Variants in LRRIQ3 observed in about 807,000 individuals in gnomAD.
The protein encoded by LRRIQ3 is leucine rich repeats and IQ motif containing 3.
In LRRIQ3, 75 loss-of-function variants were observed where a neutral mutation model predicts 59.3. The ratio of observed to expected loss-of-function variants is 1.26; its 90% confidence interval spans 1.05 to 1.53. LRRIQ3 has a LOEUF of 1.53. Among genes scored for constraint, LRRIQ3 ranks in the 40% most tolerant of loss-of-function variants. LRRIQ3 has a pLI of 0.00. For synonymous variants in LRRIQ3, 250 were observed against 231.3 expected (o/e 1.08, Z -0.73); for missense variants, 831 against 710.0 (o/e 1.17, Z -1.94).
intron 4 of LRRIQ3, among the ~76,000 whole-genome samples, chr1:74,113,524 G>A (rs182940768): frequency 2.3e-4 from 35 of 152,042 alleles, no homozygotes; most frequent in Admixed American, 7.2e-4. Context: ...TTGAGCTCAC[G>A]AAAAATGATG....
chr1:74,063,009 A>G (rs1015778160), intron 6 of LRRIQ3, among the ~76,000 whole-genome samples: 4 of 152,030 alleles, frequency 2.6e-5, no homozygotes, highest in African/African-American at 9.7e-5. Context: ...GAAAGTAAAA[A>G]CAATTAAATA....
intron 4 of LRRIQ3, among the ~76,000 whole-genome samples, chr1:74,124,778 G>T (rs1206474687): frequency 6.6e-6 from 1 of 151,946 alleles, no homozygotes; most frequent in Non-Finnish European, 1.5e-5. Context: ...AGTATAATTT[G>T]AAGTCAGGTA....
rs371039675 is a variant in LRRIQ3 at position 74,027,876 on chromosome 1, C to T, written c.1719-907G>A. Among the ~76,000 whole-genome samples, 4 of 151,748 alleles carry T rather than the reference C, an allele frequency of 2.6e-5. No individual in the cohort carries two copies. The East Asian group carries it at 5.8e-4, about 22-fold the overall frequency. On this transcript the variant is annotated intron_variant, in intron 7 of 7. Coordinates refer to ENST00000354431, the MANE Select transcript of LRRIQ3 (RefSeq NM_001105659.2). ...ATACAAATGAGATATTATGGTTCAT[C>T]GTGAAAACATTATGTAACAAGTCAG...
chr1:74,035,935 T>C (rs114362065), intron 7 of LRRIQ3, among the ~76,000 whole-genome samples: 170 of 152,276 alleles, frequency 1.1e-3, no homozygotes, highest in African/African-American at 4.0e-3. Context: ...GCTTTTCCAA[T>C]GTGAATCAAC....
chr1:74,041,066 G>A, intron 7 of LRRIQ3, 147 bp downstream of exon 7: 3 of 664,488 alleles, frequency 4.5e-6, no homozygotes, highest in Non-Finnish European at 4.9e-6. Context: ...TAATATATTA[G>A]TATATTATTT....
chr1:74,190,260 A>C (rs1650672856), intron 1 of LRRIQ3, among the ~76,000 whole-genome samples: 1 of 152,288 alleles, frequency 6.6e-6, no homozygotes, highest in South Asian at 2.1e-4. Flanking sequence ...GCTCTAATAG[A>C]AAAAGTAGGC....
At chr1:74,196,345 A>T (rs1251628938) in intron 1 of LRRIQ3, among the ~76,000 whole-genome samples, 1 of 152,122 alleles carries the variant, frequency 6.6e-6, no homozygotes, top group Non-Finnish European at 1.5e-5. Flanking sequence ...GAATATACAG[A>T]CCCCAAACAT....
At position 74,165,191 on chromosome 1, in the gene LRRIQ3, C is replaced by A. The variant is rs199811679; in HGVS notation, c.574-9325G>T. Among the ~76,000 whole-genome samples, 32 of 151,628 alleles carry A rather than the reference C, an allele frequency of 2.1e-4. No individual in the cohort carries two copies. The East Asian group carries it at 5.8e-3, about 27-fold the overall frequency. ...TTCAGTATAATCTTGACTACATCTA[C>A]AATCTTATGGAATTTTGATAAGAAT... On this transcript the variant is annotated intron_variant, in intron 3 of 7. Coordinates refer to ENST00000354431, the MANE Select transcript of LRRIQ3 (RefSeq NM_001105659.2).
intron 2 of LRRIQ3, chr1:74,183,216 A>C (rs1650116031): frequency 2.8e-6 from 1 of 359,106 alleles, no homozygotes; most frequent in Non-Finnish European, 4.9e-6. Context: ...AGATTTAAGA[A>C]GTGAAACATA....
At chr1:74,120,009 T>A (rs1646829793) in intron 4 of LRRIQ3, among the ~76,000 whole-genome samples, 1 of 152,126 alleles carries the variant, frequency 6.6e-6, no homozygotes. Flanking sequence ...GATGGTTATT[T>A]GTATTATACT....
rs1649935273 is a variant in LRRIQ3, at chr1:74,180,854, C to T, written c.573+1684G>A. 6 of 1,493,918 alleles carry T rather than the reference C, an allele frequency of 4.0e-6. No individual in the cohort carries two copies. In the East Asian group the frequency reaches 1.5e-4, roughly 37 times the overall value. 92.5% of individuals were successfully genotyped at this position (1,493,918 alleles called of 1,614,324 possible). A position where few individuals can be genotyped will look rare whatever the true frequency, so the allele number is the denominator to read the frequency against. On this transcript the variant is annotated intron_variant, in intron 3 of 7. Coordinates refer to ENST00000354431, the MANE Select transcript of LRRIQ3 (RefSeq NM_001105659.2). ...TCTTCAAAAAGGCCTTCCCCATCCA[C>T]CCTAGCTAATGTAGCCCAAATCTCT... is the stretch of plus-strand genomic sequence containing the variant.
intron 7 of LRRIQ3, among the ~76,000 whole-genome samples, chr1:74,040,133 G>T (rs982105504): frequency 6.6e-6 from 1 of 152,076 alleles, no homozygotes; most frequent in Non-Finnish European, 1.5e-5. Flanking sequence ...ACAAGCAAGG[G>T]TTGCAATCCT....
intron 6 of LRRIQ3, among the ~76,000 whole-genome samples, chr1:74,060,215 CTTCTTG>C (rs796622874): frequency 0.22 from 5,384 of 24,280 alleles, 217 homozygotes; most frequent in Middle Eastern, 0.43. Context: ...TCTTCTTCTT[CTTCTTG>C]TTCTTCTTCT....
At chr1:74,098,934 T>C (rs1646489565) in intron 5 of LRRIQ3, among the ~76,000 whole-genome samples, 2 of 152,074 alleles carry the variant, frequency 1.3e-5, no homozygotes, top group African/African-American at 2.4e-5. Flanking sequence ...TAGCACCAAA[T>C]GCCCACAAGA....
intron 4 of LRRIQ3, among the ~76,000 whole-genome samples, chr1:74,113,276 A>G (rs1044601567): frequency 5.9e-5 from 9 of 152,082 alleles, no homozygotes; most frequent in African/African-American, 2.2e-4. Flanking sequence ...ACCCACAAAA[A>G]GTTGAGGGAT....
At chr1:74,040,606 G>A (rs1217721668) in intron 7 of LRRIQ3, among the ~76,000 whole-genome samples, 2 of 152,130 alleles carry the variant, frequency 1.3e-5, no homozygotes, top group African/African-American at 4.8e-5. Flanking sequence ...ACACCACAGT[G>A]CAATCAAAGT....
At chr1:74,043,668 T>C (rs1557590388) in intron 6 of LRRIQ3, among the ~76,000 whole-genome samples, 1 of 152,112 alleles carries the variant, frequency 6.6e-6, no homozygotes, top group African/African-American at 2.4e-5. Flanking sequence ...CCTAATTTCT[T>C]TCTCTGTTTT....
chr1:74,106,376 G>A (rs768646838), intron 5 of LRRIQ3, among the ~76,000 whole-genome samples: 5 of 151,872 alleles, frequency 3.3e-5, no homozygotes, highest in African/African-American at 9.7e-5. Context: ...TGGGGATGGC[G>A]GGGGGAGGAA....
At chr1:74,193,723 T>C (rs1650918811) in intron 1 of LRRIQ3, among the ~76,000 whole-genome samples, 1 of 152,060 alleles carries the variant, frequency 6.6e-6, no homozygotes, top group Non-Finnish European at 1.5e-5. Context: ...TTAAGTAATA[T>C]ATTAAAATAT....
Sources: allele counts gnomAD v4.1 joint callset (sites outside exome capture counted in the v4.1 genomes callset), GRCh38; gene constraint gnomAD v4.1.1; transcripts MANE v1.5; gene names NCBI Gene and HGNC (gene_info 2026-07-23, HGNC 2026-07-21).